KIRREL3: variants seen among roughly 807,000 people sequenced by gnomAD.
The protein encoded by KIRREL3 is kirre like nephrin family adhesion molecule 3.
Under a neutral mutation model 89.7 loss-of-function variants are expected in KIRREL3, and 36 were observed. The ratio of observed to expected loss-of-function variants is 0.40; its 90% CI spans 0.31 to 0.53. The LOEUF is 0.53. Among genes scored for constraint, KIRREL3 ranks in the 20% least tolerant of loss-of-function variants. The pLI is 0.49. For synonymous variants in KIRREL3, 445 were observed against 441.4 expected, an observed-to-expected ratio of 1.01 and a Z score of -0.10; for missense variants, 864 against 1,056.6, an observed-to-expected ratio of 0.82 and a Z score of 2.53.
At chr11:126,920,788 C>G (rs954119044) in intron 1 of KIRREL3, among the ~76,000 whole-genome samples, 1 of 152,192 alleles carries the variant, frequency 6.6e-6, no homozygotes. Flanking sequence ...GTCCTAACAT[C>G]GTACCTTCCT....
At position 126,991,939 on chromosome 11, in the gene KIRREL3, C is replaced by T. The variant is rs1950044639; in HGVS notation, c.55+8516G>A. ...AAATGACTTTAGTCAAGCAAAGTAA[C>T]CTCTCTGGGGGTATGACAGCAATAA... is the stretch of plus-strand genomic sequence containing the variant. On this transcript the variant is annotated intron_variant, in intron 1 of 16. Coordinates refer to ENST00000525144, the MANE Select transcript of KIRREL3 (RefSeq NM_032531.4). This position sits in a 1 kb window ranked among gnomAD's most constrained non-coding sequence, Gnocchi z 5.8. Among the ~76,000 whole-genome samples the T allele has an allele frequency of 6.6e-6, 1 of 152,184 alleles. No homozygotes were observed. Among genetic ancestry groups the T allele is most frequent in the Non-Finnish European group, 1.5e-5 (1 of 68,034 alleles).
At chr11:126,440,973 A>ATTCCTCAGACTCCCCC (rs1187927322) in intron 10 of KIRREL3, 1 of 207,964 alleles carries the variant, frequency 4.8e-6, no homozygotes, top group African/African-American at 2.3e-5. Context: ...CGCCTCAGCC[A>ATTCCTCAGACTCCCCC]GCGGCACCCC....
rs1365791538 is a variant in KIRREL3 at position 126,514,844 on chromosome 11, CAACACAACACAACACAACACAACAA to C, written c.433+6446_433+6470del. On this transcript the variant is annotated intron_variant, in intron 4 of 16. Coordinates refer to ENST00000525144, the MANE Select transcript of KIRREL3 (RefSeq NM_032531.4). ...CAACACAACACAACACAACACAACA[CAACACAACACAACACAACACAACAA>C]AACACAATTGTCATCCGTGTTTGGG... Among the ~76,000 whole-genome samples, 358 of 147,218 alleles carry C rather than the reference CAACACAACACAACACAACACAACAA, an allele frequency of 2.4e-3. 2 individuals carry two copies. Among genetic ancestry groups the C allele is most frequent in the African/African-American group, 8.8e-3 (342 of 38,878 alleles).
At chr11:126,512,050 C>G (rs1252866444) in intron 4 of KIRREL3, among the ~76,000 whole-genome samples, 1 of 152,206 alleles carries the variant, frequency 6.6e-6, no homozygotes, top group Non-Finnish European at 1.5e-5. Context: ...CTGCCCCTCC[C>G]TCAGTTGGCT....
Position 126,621,487 on chromosome 11 carries a change from C to A in KIRREL3, c.56-58575G>T, listed in dbSNP as rs148633545. Reference sequence around the variant, plus strand: ...GTGATAGCCTAATGGTAAGTGATATCTTAAAAGCGTGTGAGAGGCTTAAAA... The same window carrying A: ...GTGATAGCCTAATGGTAAGTGATATATTAAAAGCGTGTGAGAGGCTTAAAA... On this transcript the variant is annotated intron_variant, in intron 1 of 16. Transcript: ENST00000525144. Among the ~76,000 whole-genome samples the A allele has an allele frequency of 1.1e-3, 170 of 152,260 alleles. 2 individuals carry two copies. In the East Asian group the frequency reaches 0.031, roughly 27 times the overall value.
intron 1 of KIRREL3, among the ~76,000 whole-genome samples, chr11:126,813,045 T>C (rs962279063): frequency 7.9e-5 from 12 of 152,206 alleles, no homozygotes; most frequent in African/African-American, 2.9e-4. Flanking sequence ...TGTCAAGTCT[T>C]GTTTTCTCCA....
At chr11:126,923,844 G>A (rs766215391) in intron 1 of KIRREL3, among the ~76,000 whole-genome samples, 1 of 152,134 alleles carries the variant, frequency 6.6e-6, no homozygotes, top group Non-Finnish European at 1.5e-5. Flanking sequence ...CTATGTACCC[G>A]AATATTTACT....
rs561229427 is a variant in KIRREL3, at chr11:126,883,079, C to T, written c.55+117376G>A. Among the ~76,000 whole-genome samples the T allele has an allele frequency of 6.6e-6, 1 of 152,302 alleles. No individual in the cohort carries two copies. Among genetic ancestry groups the T allele is most frequent in the East Asian group, 1.9e-4 (1 of 5,186 alleles). On this transcript the variant is annotated intron_variant, in intron 1 of 16. Coordinates refer to ENST00000525144, the MANE Select transcript of KIRREL3 (RefSeq NM_032531.4). The surrounding 1 kb of genome is among the most constrained non-coding windows in gnomAD (Gnocchi z 4.1). ...TGTAGTAAAAAGTAATACATCTCCT[C>T]GTTTAAGTGACAGCAGGTAGGGTTT...
In KIRREL3 at chr11:126,764,160, C is replaced by T. The variant is rs763236232; in HGVS notation, c.56-201248G>A. Among the ~76,000 whole-genome samples, 36 of 152,204 alleles carry T rather than the reference C, an allele frequency of 2.4e-4. No homozygotes were observed. The highest frequency in any genetic ancestry group is 4.6e-4 in the Non-Finnish European group (31 of 68,042). On this transcript the variant is annotated intron_variant, in intron 1 of 16. Transcript: ENST00000525144. This position sits in a 1 kb window ranked among gnomAD's most constrained non-coding sequence, Gnocchi z 4.2. Reference sequence around the variant, plus strand: ...AAATGCTAACTTTTCCCCTGTCTAACCCACTCACCCACATACCCTGGGGCA... The same window carrying T: ...AAATGCTAACTTTTCCCCTGTCTAATCCACTCACCCACATACCCTGGGGCA...
chr11:126,560,921 T>C (rs1297973052), intron 2 of KIRREL3, among the ~76,000 whole-genome samples: 1 of 152,250 alleles, frequency 6.6e-6, no homozygotes. Context: ...TCTTGATGTA[T>C]GTCATGGCTG....
chr11:126,742,640 C>T lies in KIRREL3; in HGVS notation c.56-179728G>A, dbSNP rs1019693233. 6.6e-6 allele frequency among the ~76,000 whole-genome samples: 1 copy of T among 152,208 alleles called. No homozygotes were observed. Among genetic ancestry groups the T allele is most frequent in the African/African-American group, 2.4e-5 (1 of 41,450 alleles). On this transcript the variant is annotated intron_variant, in intron 1 of 16. Transcript: ENST00000525144. This position sits in a 1 kb window ranked among gnomAD's most constrained non-coding sequence, Gnocchi z 5.3. ...GTCACATAGCCAGTACATGGTTGAA[C>T]TGGGACATCAGCCTAGGTATGTCTA...
rs551534840 is a variant in KIRREL3 at position 126,526,106 on chromosome 11, C to T, written c.283+432G>A. ...GGTGTCTTTGTGAGTTTTCAGTTTA[C>T]TTGGTTCCCTTTAATGGGTGAGAAG... On this transcript the variant is annotated intron_variant, in intron 3 of 16. Transcript: ENST00000525144. The surrounding 1 kb of genome is among the most constrained non-coding windows in gnomAD (Gnocchi z 5.7). Among the ~76,000 whole-genome samples the T allele has an allele frequency of 3.9e-5, 6 of 152,324 alleles. No homozygotes were observed. In the South Asian group the frequency reaches 1.2e-3, roughly 32 times the overall value.
At chr11:126,730,587 C>T (rs377684058) in intron 1 of KIRREL3, among the ~76,000 whole-genome samples, 4 of 152,302 alleles carry the variant, frequency 2.6e-5, no homozygotes, top group South Asian at 4.1e-4. Flanking sequence ...ATGGTCACAA[C>T]GAAGTGGTTG....
intron 1 of KIRREL3, among the ~76,000 whole-genome samples, chr11:126,944,651 C>G: frequency 6.6e-6 from 1 of 152,126 alleles, no homozygotes; most frequent in East Asian, 1.9e-4. Context: ...GCAAGGAAGC[C>G]CAAGTGAGGC....
chr11:126,634,707 A>T (rs1389462067), intron 1 of KIRREL3, among the ~76,000 whole-genome samples: 1 of 152,208 alleles, frequency 6.6e-6, no homozygotes, highest in Non-Finnish European at 1.5e-5. Flanking sequence ...GGTGGAATGC[A>T]GTCCTCTCTC....
intron 1 of KIRREL3, among the ~76,000 whole-genome samples, chr11:126,821,355 A>ATATATAT (rs1440926983): frequency 1.3e-4 from 18 of 140,424 alleles, no homozygotes; most frequent in South Asian, 2.4e-4. Flanking sequence ...ATATATATGT[A>ATATATAT]ACTTCCAACC....
At chr11:126,658,410 C>T (rs1394528020) in intron 1 of KIRREL3, among the ~76,000 whole-genome samples, 2 of 152,208 alleles carry the variant, frequency 1.3e-5, no homozygotes, top group African/African-American at 4.8e-5. Context: ...TATACTTCAT[C>T]TCAGGGCTGG....
chr11:126,671,842 GC>G (rs1378847560), intron 1 of KIRREL3, among the ~76,000 whole-genome samples: 22 of 152,280 alleles, frequency 1.4e-4, no homozygotes, highest in African/African-American at 5.1e-4. Flanking sequence ...AAGTGGTACA[GC>G]CACTTTGGAA....
chr11:126,958,829 C>T (rs1229887102), intron 1 of KIRREL3, among the ~76,000 whole-genome samples: 1 of 152,092 alleles, frequency 6.6e-6, no homozygotes, highest in Admixed American at 6.6e-5. Flanking sequence ...CCTCTAAGTG[C>T]CCCTTGTGAT....
Sources: gnomAD v4.1 joint callset for allele counts (sites outside exome capture counted in the v4.1 genomes callset) on GRCh38, gnomAD v4.1.1 for gene constraint, Gnocchi (gnomAD v3.1) non-coding constraint, MANE v1.5 for transcripts, NCBI Gene and HGNC (gene_info 2026-07-23, HGNC 2026-07-21) for gene names.